The following KCNH8 variants were observed in gnomAD, a reference collection of about 807,000 sequenced individuals.
KCNH8 encodes potassium voltage-gated channel subfamily H member 8.
KCNH8 carries 70 observed loss-of-function variants against 103.6 expected under a neutral mutation model. That is an observed-to-expected ratio of 0.68 (90% confidence interval 0.56 to 0.82). The LOEUF is 0.82. Among genes scored for constraint, KCNH8 ranks in the 40% least tolerant of loss-of-function variants. KCNH8 has a pLI of 0.00. For synonymous variants in KCNH8, 498 were observed against 489.4 expected (o/e 1.02, Z -0.23); for missense variants, 1,217 against 1,329.9 (o/e 0.92, Z 1.32).
chr3:19,302,600 C>G (rs142824005), intron 3 of KCNH8, among the ~76,000 whole-genome samples: 184 of 152,308 alleles, frequency 1.2e-3, no homozygotes, highest in Non-Finnish European at 1.6e-3. Context: ...AGAAAAAGCA[C>G]TTAGGAAGGT....
chr3:19,305,946 C>CA (rs1559468815), intron 3 of KCNH8, among the ~76,000 whole-genome samples: 1 of 151,170 alleles, frequency 6.6e-6, no homozygotes, highest in African/African-American at 2.4e-5. Flanking sequence ...CCTTGAAAAT[C>CA]AAAAAATAAA....
chr3:19,156,386 C>T (rs1287794691), intron 1 of KCNH8, among the ~76,000 whole-genome samples: 1 of 152,130 alleles, frequency 6.6e-6, no homozygotes, highest in Non-Finnish European at 1.5e-5. Context: ...TGTAAACAGA[C>T]TAGGGTGGTT....
In KCNH8 at chr3:19,287,384, C is replaced by A. The variant is rs534056537; in HGVS notation, c.442+6055C>A. ...ACAGGATTGCTGCTAAAAGCAGTTT[C>A]AAGAGAGTGCTGGGAGAGAAAGCCA... On this transcript the variant is annotated intron_variant, in intron 3 of 15. Transcript: ENST00000328405. Among the ~76,000 whole-genome samples, 53 of 152,226 alleles carry A rather than the reference C, an allele frequency of 3.5e-4. 1 individual carries two copies. The South Asian group carries it at 8.3e-3, about 24-fold the overall frequency.
chr3:19,471,669 A>G (rs2067859218), intron 11 of KCNH8, among the ~76,000 whole-genome samples: 1 of 152,228 alleles, frequency 6.6e-6, no homozygotes, highest in Non-Finnish European at 1.5e-5. Flanking sequence ...AGGATGAAAG[A>G]GGAAAGAAAA....
chr3:19,308,327 T>G (rs953522447), intron 3 of KCNH8, among the ~76,000 whole-genome samples: 1 of 151,496 alleles, frequency 6.6e-6, no homozygotes, highest in Non-Finnish European at 1.5e-5. Flanking sequence ...TCATATGGCC[T>G]ACTATCAGTA....
In KCNH8 at chr3:19,315,957, T is replaced by C. The variant is rs560608203; in HGVS notation, c.443-26630T>C. ...CTTGACAAACATGACTGGAGAAAGA[T>C]GAATCAATTGAAAGTTAACTGTCCT... is the stretch of plus-strand genomic sequence containing the variant. On this transcript the variant is annotated intron_variant, in intron 3 of 15. Transcript: ENST00000328405. Among the ~76,000 whole-genome samples the C allele has an allele frequency of 1.5e-3, 229 of 152,108 alleles. 1 individual carries two copies. Among genetic ancestry groups the C allele is most frequent in the Admixed American group, 2.0e-3 (31 of 15,238 alleles).
At chr3:19,359,461 A>G (rs908599302) in intron 5 of KCNH8, among the ~76,000 whole-genome samples, 1 of 152,042 alleles carries the variant, frequency 6.6e-6, no homozygotes, top group African/African-American at 2.4e-5. Context: ...TAGCACATCA[A>G]TATTTTTAGA....
At chr3:19,204,761 C>T (rs2063697809) in intron 1 of KCNH8, among the ~76,000 whole-genome samples, 1 of 151,934 alleles carries the variant, frequency 6.6e-6, no homozygotes, top group Non-Finnish European at 1.5e-5. Flanking sequence ...AGAGCAACTC[C>T]CCAGTCAGGG....
chr3:19,418,691 A>G (rs2066898856), intron 7 of KCNH8, among the ~76,000 whole-genome samples: 1 of 152,214 alleles, frequency 6.6e-6, no homozygotes, highest in Non-Finnish European at 1.5e-5. Context: ...AAGACATACC[A>G]AGACAGAGAA....
chr3:19,258,939 CTCTCTCTCTATATATATATA>C (rs1337407508), intron 2 of KCNH8, among the ~76,000 whole-genome samples: 7 of 74,096 alleles, frequency 9.4e-5, no homozygotes, highest in African/African-American at 2.3e-4. Context: ...CTCTCTCTCT[CTCTCTCTCTATATATATATA>C]TATATATATA....
chr3:19,267,087 C>T (rs976946365), intron 2 of KCNH8, among the ~76,000 whole-genome samples: 2 of 152,006 alleles, frequency 1.3e-5, no homozygotes, highest in Admixed American at 1.3e-4. Context: ...TCTCTGTGCT[C>T]TGCCTCAGTC....
chr3:19,448,788 G>C, intron 8 of KCNH8: 1 of 234,598 alleles, frequency 4.3e-6, no homozygotes, highest in Middle Eastern at 7.8e-4. Context: ...TACTGAAACA[G>C]ATGATTTTAC....
At chr3:19,343,513 C>T (rs2065688920) in intron 4 of KCNH8, among the ~76,000 whole-genome samples, 1 of 151,940 alleles carries the variant, frequency 6.6e-6, no homozygotes, top group Non-Finnish European at 1.5e-5. Context: ...CATTAATTTG[C>T]CTTATGGAAT....
chr3:19,300,887 C>G, intron 3 of KCNH8, among the ~76,000 whole-genome samples: 1 of 151,416 alleles, frequency 6.6e-6, no homozygotes. Flanking sequence ...TATTTTCTAC[C>G]TTTTGCCTAA....
At chr3:19,483,990 C>G (rs112719246) in intron 11 of KCNH8, among the ~76,000 whole-genome samples, 305 of 152,072 alleles carry the variant, frequency 2.0e-3, no homozygotes, top group African/African-American at 6.7e-3. Flanking sequence ...AATTTACTTA[C>G]TTTTGGTCAT....
At chr3:19,165,068 C>T (rs1452998419) in intron 1 of KCNH8, among the ~76,000 whole-genome samples, 1 of 152,066 alleles carries the variant, frequency 6.6e-6, no homozygotes, top group East Asian at 1.9e-4. Flanking sequence ...GATATGGTCA[C>T]TGTCTTGATT....
At chr3:19,211,814 G>C (rs567683915) in intron 1 of KCNH8, among the ~76,000 whole-genome samples, 30 of 152,118 alleles carry the variant, frequency 2.0e-4, no homozygotes, top group Non-Finnish European at 3.7e-4. Context: ...ATTGTGGTAT[G>C]AAATGTTTTC....
intron 3 of KCNH8, among the ~76,000 whole-genome samples, chr3:19,294,366 C>A (rs2064968659): frequency 6.6e-6 from 1 of 152,138 alleles, no homozygotes; most frequent in Admixed American, 6.6e-5. Flanking sequence ...ATGTTCCTTT[C>A]ACTTGCTGAA....
chr3:19,287,105 T>C (rs116338095), intron 3 of KCNH8, among the ~76,000 whole-genome samples: 2,613 of 146,536 alleles, frequency 0.018, 80 homozygotes, highest in African/African-American at 0.062. Context: ...TTGATGGTAA[T>C]GCAAAAAAAA....
Sources: allele counts gnomAD v4.1 joint callset (sites outside exome capture counted in the v4.1 genomes callset), GRCh38; gene constraint gnomAD v4.1.1; transcripts MANE v1.5; gene names NCBI Gene and HGNC (gene_info 2026-07-23, HGNC 2026-07-21).